The following ARHGEF6 variants were observed in gnomAD, a reference collection of about 807,000 sequenced individuals.
ARHGEF6 encodes the protein Rac/Cdc42 guanine nucleotide exchange factor 6.
In ARHGEF6, 9 loss-of-function variants were observed where a neutral mutation model predicts 70.3. That is an observed-to-expected ratio of 0.13 (90% CI 0.08 to 0.22). The LOEUF (loss-of-function observed/expected upper bound fraction) is 0.22, where lower values mean the gene tolerates loss of function less well. ARHGEF6 is among the 10% of genes least tolerant of loss of function. The pLI is 1.00. For synonymous variants in ARHGEF6, 201 were observed against 207.8 expected (o/e 0.97, Z 0.28); for missense variants, 470 against 563.0 (o/e 0.83, Z 1.67).
At chrX:136,778,200 T>G (rs890932105) in intron 2 of ARHGEF6, among the ~76,000 whole-genome samples, 1 of 111,723 alleles carries the variant, frequency 9.0e-6, no homozygotes, top group Non-Finnish European at 1.9e-5. Flanking sequence ...ATTATTCCCA[T>G]TTTGTAGGTA....
chrX:136,703,044 A>C (rs199507238), intron 9 of ARHGEF6, among the ~76,000 whole-genome samples: 25 of 112,010 alleles, frequency 2.2e-4, no homozygotes, highest in East Asian at 1.7e-3. Context: ...ATCCACATGC[A>C]AAAGAATAAA....
At chrX:136,736,403 A>G (rs1048416856) in intron 5 of ARHGEF6, among the ~76,000 whole-genome samples, 3 of 111,544 alleles carry the variant, frequency 2.7e-5, no homozygotes, top group African/African-American at 9.8e-5. Context: ...TAATACATGT[A>G]TTTTTCATGA....
chrX:136,674,998 G>T lies in ARHGEF6; in HGVS notation c.2035+9C>A, dbSNP rs757618931. ...CACTCACTAGAGAAAGTAGTTTGGGGGAACCTACTTGAGCCATGGCCTTGT... is the reference window on the plus strand; with the variant it reads ...CACTCACTAGAGAAAGTAGTTTGGGTGAACCTACTTGAGCCATGGCCTTGT... On this transcript the variant is annotated intron_variant, in intron 19 of 21. Coordinates refer to ENST00000250617, the MANE Select transcript of ARHGEF6 (RefSeq NM_004840.3). 1.7e-6 allele frequency: 2 copies of T among 1,200,333 alleles called. No individual in the cohort carries two copies. Among genetic ancestry groups the T allele is most frequent in the African/African-American group, 3.5e-5 (2 of 56,947 alleles).
intron 6 of ARHGEF6, among the ~76,000 whole-genome samples, chrX:136,718,402 A>G (rs1202399007): frequency 1.8e-5 from 2 of 111,308 alleles, no homozygotes; most frequent in Non-Finnish European, 3.8e-5. Flanking sequence ...TCTTCCATCA[A>G]AATTGCAGTG....
rs1603330428 is a variant in ARHGEF6 at position 136,674,935 on chromosome X, C to T, written c.2035+72G>A. 4 of 1,066,947 alleles carry T rather than the reference C, an allele frequency of 3.7e-6. No homozygotes were observed. The East Asian group carries it at 9.1e-5, about 24-fold the overall frequency. The allele number at this position is 1,066,947 out of a possible 1,213,427, so 87.9% of individuals were successfully genotyped here. A position where few individuals can be genotyped will look rare whatever the true frequency, so the allele number is the denominator to read the frequency against. On this transcript the variant is annotated intron_variant, in intron 19 of 21. Coordinates refer to ENST00000250617, the MANE Select transcript of ARHGEF6 (RefSeq NM_004840.3). The stretch of plus-strand genomic sequence containing the variant: ...TGCAACCCATCCGGGTTGCTTTTCT[C>T]TTTTTCTAAAAGACACTAAACAGTA...
chrX:136,724,414 A>C (rs1041320195), intron 6 of ARHGEF6, among the ~76,000 whole-genome samples: 8 of 111,539 alleles, frequency 7.2e-5, no homozygotes, highest in African/African-American at 2.6e-4. Flanking sequence ...GTCTGGTAAC[A>C]AGCCATCTCA....
chrX:136,738,178 G>A (rs755102974), intron 5 of ARHGEF6, among the ~76,000 whole-genome samples: 5 of 110,527 alleles, frequency 4.5e-5, no homozygotes, highest in East Asian at 2.8e-4. Context: ...ATACTTCATC[G>A]TCCACTGACC....
At chrX:136,688,090 A>G (rs1430404229) in intron 10 of ARHGEF6, 99 bp from the exon 11 acceptor site, 1 of 638,324 alleles carries the variant, frequency 1.6e-6, no homozygotes, top group East Asian at 3.3e-5. Flanking sequence ...AAAGATAGCA[A>G]GAGAATTTTG....
chrX:136,752,641 T>C (rs936905724), intron 2 of ARHGEF6, among the ~76,000 whole-genome samples: 1 of 112,076 alleles, frequency 8.9e-6, no homozygotes, highest in Non-Finnish European at 1.9e-5. Flanking sequence ...AATCAACTGC[T>C]ATTTAAAGGT....
intron 2 of ARHGEF6, among the ~76,000 whole-genome samples, chrX:136,772,328 G>A (rs2077369182): frequency 9.0e-6 from 1 of 111,359 alleles, no homozygotes; most frequent in East Asian, 2.8e-4. Flanking sequence ...AATGAATAAG[G>A]CCCATTTGAT....
chrX:136,767,424 G>A (rs917899146), intron 2 of ARHGEF6: 2 of 755,230 alleles, frequency 2.6e-6, no homozygotes, highest in South Asian at 1.3e-4. Context: ...GGGGGCGCCC[G>A]TCTCCAAACT....
chrX:136,688,440 T>C (rs147172519), intron 10 of ARHGEF6, among the ~76,000 whole-genome samples: 2 of 110,718 alleles, frequency 1.8e-5, no homozygotes, highest in African/African-American at 6.6e-5. Flanking sequence ...CATTAGGTCA[T>C]GTTGTTGGTA....
At chrX:136,733,343 A>C (rs1377297629) in intron 5 of ARHGEF6, among the ~76,000 whole-genome samples, 1 of 111,332 alleles carries the variant, frequency 9.0e-6, no homozygotes, top group African/African-American at 3.3e-5. Flanking sequence ...TGATTTTTTT[A>C]ATAATATTTT....
Position 136,686,529 on chromosome X carries a change from TAC to T in ARHGEF6, c.1246-708_1246-707del, listed in dbSNP as rs1217688338. Among the ~76,000 whole-genome samples, 6 of 98,059 alleles carry T rather than the reference TAC, an allele frequency of 6.1e-5. No homozygotes were observed. In the East Asian group the frequency reaches 1.6e-3, roughly 26 times the overall value. 85.2% of individuals were successfully genotyped at this position (98,059 alleles called of 115,157 possible). ...CTGAAATTTCAAACCAAGAAAAAAT[TAC>T]AGTTTGCCAACACTATGTGGGGTAT... is the stretch of plus-strand genomic sequence containing the variant. On this transcript the variant is annotated intron_variant, in intron 11 of 21. Coordinates refer to ENST00000250617, the MANE Select transcript of ARHGEF6 (RefSeq NM_004840.3).
At chrX:136,673,836 C>T (rs944517908) in intron 19 of ARHGEF6, among the ~76,000 whole-genome samples, 11 of 109,549 alleles carry the variant, frequency 1.0e-4, no homozygotes, top group African/African-American at 3.7e-4. Flanking sequence ...CTCTCTCTTT[C>T]TCTCTCTCTC....
chrX:136,682,544 G>A (rs1204270092), intron 13 of ARHGEF6, among the ~76,000 whole-genome samples: 1 of 111,822 alleles, frequency 8.9e-6, no homozygotes, highest in Non-Finnish European at 1.9e-5. Context: ...TAACTAAAGC[G>A]GTGGATATAT....
rs143114525 is a variant in ARHGEF6, at chrX:136,764,103, C to T, written c.249+15311G>A. ...CAGTTGAGGTCACTAGGTTGCTGAA[C>T]GCTGGATAAACCAGGGAAATGGTTC... On this transcript the variant is annotated intron_variant, in intron 2 of 21. Transcript: ENST00000250617. Among the ~76,000 whole-genome samples the T allele has an allele frequency of 3.6e-3, 394 of 110,085 alleles. 1 individual carries two copies. Among genetic ancestry groups the T allele is most frequent in the African/African-American group, 0.011 (329 of 30,202 alleles).
intron 12 of ARHGEF6, 110 bp from the exon 13 acceptor site, chrX:136,682,954 A>C: frequency 1.7e-6 from 1 of 593,824 alleles, no homozygotes; most frequent in South Asian, 2.8e-5. Flanking sequence ...CAACTGAAAC[A>C]TTAACGGTAA....
intron 6 of ARHGEF6, among the ~76,000 whole-genome samples, chrX:136,717,123 G>A (rs2076744511): frequency 8.9e-6 from 1 of 111,930 alleles, no homozygotes; most frequent in Admixed American, 9.5e-5. Context: ...AGGAAGCTCA[G>A]AGACCAAGTA....
Sources: allele counts gnomAD v4.1 joint callset (sites outside exome capture counted in the v4.1 genomes callset), GRCh38; gene constraint gnomAD v4.1.1; transcripts MANE v1.5; gene names NCBI Gene and HGNC (gene_info 2026-07-23, HGNC 2026-07-21).